HIF3A: variants seen among roughly 807,000 people sequenced by gnomAD.
HIF3A encodes hypoxia-inducible factor 3-alpha.
In HIF3A, 41 loss-of-function variants were observed where a neutral mutation model predicts 67.2. The ratio of observed to expected loss-of-function variants is 0.61; its 90% CI spans 0.48 to 0.79. HIF3A has a LOEUF of 0.79. Among genes scored for constraint, HIF3A ranks in the 30% least tolerant of loss-of-function variants. HIF3A has a pLI of 0.00. For missense variants in HIF3A, 855 were observed against 898.0 expected (o/e 0.95, Z 0.61); for synonymous variants, 356 against 374.8 (o/e 0.95, Z 0.58).
Position 46,341,157 on chromosome 19 carries a change from G to A in HIF3A, c.*1535G>A, listed in dbSNP as rs1471280687. 6.7e-6 allele frequency: 1 copy of A among 150,374 alleles called. No individual in the cohort carries two copies. Among genetic ancestry groups the A allele is most frequent in the East Asian group, 1.9e-4 (1 of 5,166 alleles). 9.3% of individuals were successfully genotyped at this position (150,374 alleles called of 1,614,324 possible). ...CTATTGGTTCCAGTTCTCCTGATCG[G>A]TAATACATTTGGTTCCAAATCCAGA... On this transcript the variant is annotated 3_prime_UTR_variant, in exon 15 of 15. Transcript: ENST00000377670.
chr19:46,336,533 TTGTG>T (rs2147322779), intron 14 of HIF3A, among the ~76,000 whole-genome samples: 1 of 151,794 alleles, frequency 6.6e-6, no homozygotes, highest in East Asian at 2.0e-4. Context: ...ACACTTGACT[TTGTG>T]TGTTTGTGTG....
At position 46,331,267 on chromosome 19, in the gene HIF3A, C is replaced by T. The variant is rs1402312378; in HGVS notation, c.1824C>T (p.Leu608=). The T allele has an allele frequency of 6.2e-7, 1 of 1,612,656 alleles. No individual in the cohort carries two copies. Among genetic ancestry groups the T allele is most frequent in the East Asian group, 2.2e-5 (1 of 44,852 alleles). ...ACGAAAACTTTCTGCTCTTTCCTCT[C>T]AGCCTGGTGTGTTGGGGGATTAATG... ...PEHENFLLFP[L]SLSFLLTGGP... The change falls in exon 13 of 15, where the codon CTC becomes CTT. Residue 608 remains leucine (L), a synonymous_variant. Transcript: ENST00000377670.
At chr19:46,309,015 A>T (rs1284140191) in intron 5 of HIF3A, 136 bp from the exon 6 acceptor site, 8 of 769,218 alleles carry the variant, frequency 1.0e-5, no homozygotes, top group Non-Finnish European at 1.7e-5. Context: ...GGGGATCCTC[A>T]GTCCCTTTGA....
chr19:46,326,665 C>G (rs572949204), intron 11 of HIF3A, among the ~76,000 whole-genome samples: 8 of 152,254 alleles, frequency 5.3e-5, no homozygotes, highest in Admixed American at 5.2e-4. Context: ...AGTACAGTTC[C>G]TCTCAACATT....
At position 46,318,468 on chromosome 19, in the gene HIF3A, G is replaced by A. The variant is rs181804749; in HGVS notation, c.1026-1975G>A. ...AGGAGGCTGAAGCAGGAGGATCACT[G>A]AGCCTGGGAGATTGAGGCTGCAGTG... On this transcript the variant is annotated intron_variant, in intron 8 of 14. Transcript: ENST00000377670. 3.7e-3 allele frequency among the ~76,000 whole-genome samples: 534 copies of A among 144,440 alleles called. 7 individuals carry two copies. Among genetic ancestry groups the A allele is most frequent in the African/African-American group, 0.012 (485 of 39,022 alleles). 94.8% of individuals were successfully genotyped at this position (144,440 alleles called of 152,430 possible).
Position 46,321,897 on chromosome 19 carries a change from G to A in HIF3A, c.1266G>A (p.Leu422=), listed in dbSNP as rs143174879. 1,487 of 1,613,974 alleles carry A rather than the reference G, an allele frequency of 9.2e-4. 3 individuals carry two copies. The highest frequency in any genetic ancestry group is 9.7e-4 in the Non-Finnish European group (1,148 of 1,180,036). Residue 422 remains leucine, a synonymous_variant, in exon 10 of 15, where the codon CTG becomes CTA. Coordinates refer to ENST00000377670, the MANE Select transcript of HIF3A (RefSeq NM_152795.4). The stretch of plus-strand genomic sequence containing the variant: ...TCCGTCGCCTCCTGGGACCCATCCT[G>A]GATGGGGCTTCAGTAGCAGCCACTC... ...PDLRRLLGPI[L]DGASVAATPS...
chr19:46,337,591 C>G (rs1046738835), intron 14 of HIF3A, among the ~76,000 whole-genome samples: 3 of 152,096 alleles, frequency 2.0e-5, no homozygotes, highest in African/African-American at 4.8e-5. Flanking sequence ...GCCAATGTAG[C>G]TGAAGCAGAG....
chr19:46,308,607 C>T (rs1969122017), intron 4 of HIF3A, 56 bp from the exon 5 acceptor site: 6 of 1,065,800 alleles, frequency 5.6e-6, no homozygotes, highest in Admixed American at 2.3e-5. Flanking sequence ...TGCCGGAGGG[C>T]ACTGGGCCTG....
intron 2 of HIF3A, 117 bp downstream of exon 2, chr19:46,304,205 G>T: frequency 1.2e-6 from 1 of 847,062 alleles, no homozygotes; most frequent in Non-Finnish European, 1.7e-6. Flanking sequence ...CCGCCCCCTG[G>T]TGTCGTTTTT....
At position 46,329,373 on chromosome 19, in the gene HIF3A, A is replaced by T; in HGVS notation, c.1607A>T (p.Glu536Val). The T allele has an allele frequency of 6.2e-7, 1 of 1,612,324 alleles. No individual in the cohort carries two copies. The highest frequency in any genetic ancestry group is 8.5e-7 in the Non-Finnish European group (1 of 1,179,408). Residue 536 changes from glutamate to valine, a missense_variant, in exon 12 of 15, where the codon GAG becomes GTG. Physicochemically the swap from Glu to Val is moderately radical, Grantham distance 121. Around this residue, in one of 3 missense-constraint regions of HIF3A, gnomAD observed 199 missense variants for 193.8 expected, o/e 1.03. Transcript: ENST00000377670. ...CATGGCCTGTCACCTCCAGCCCTTG[A>T]GCCCTCCCTGCTACCCCGCTGGGGG... ...SFHGLSPPAL[E>V]PSLLPRWGSD... is the part of the protein sequence containing the mutation.
intron 3 of HIF3A, 125 bp downstream of exon 3, chr19:46,305,515 A>G: frequency 1.0e-6 from 1 of 955,238 alleles, no homozygotes; most frequent in Admixed American, 2.3e-5. Flanking sequence ...TAGGTATGTC[A>G]CTAGACAGGA....
intron 13 of HIF3A, among the ~76,000 whole-genome samples, chr19:46,333,727 A>AT (rs932644006): frequency 8.3e-6 from 1 of 119,910 alleles, no homozygotes; most frequent in African/African-American, 3.2e-5. Context: ...TTGGATATAT[A>AT]TTTTTTTCCT....
At chr19:46,331,378 G>A (rs781097467) in intron 13 of HIF3A, 105 bp downstream of exon 13, 1 of 871,866 alleles carries the variant, frequency 1.1e-6, no homozygotes. Flanking sequence ...CTGGTTGAGG[G>A]TCATACAGAA....
intron 3 of HIF3A, among the ~76,000 whole-genome samples, chr19:46,305,600 C>G (rs1262887865): frequency 2.6e-5 from 4 of 152,026 alleles, no homozygotes; most frequent in Admixed American, 2.0e-4. Context: ...TGTACCTGAC[C>G]CAGCCTGAGT....
chr19:46,338,085 C>T, intron 14 of HIF3A: 1 of 411,442 alleles, frequency 2.4e-6, no homozygotes, highest in Non-Finnish European at 4.8e-6. Context: ...CCAATTGGCG[C>T]TTCTCACTGG....
At position 46,312,881 on chromosome 19, in the gene HIF3A, A is replaced by ATTTTT. The variant is rs1568516507; in HGVS notation, c.1025+228_1025+229insTTTTT. On this transcript the variant is annotated intron_variant, in intron 8 of 14. Coordinates refer to ENST00000377670, the MANE Select transcript of HIF3A (RefSeq NM_152795.4). ...TATGTGTATGGGTGTGTAGACTGTT[A>ATTTTT]ATTTTTTTTTTTTTTTTTTTTTTTT... 3.2e-6 allele frequency: 3 copies of ATTTTT among 944,380 alleles called. No individual in the cohort carries two copies. In the African/African-American group the frequency reaches 7.1e-5, roughly 22 times the overall value. The allele number at this position is 944,380 out of a possible 1,614,324, so 58.5% of individuals were successfully genotyped here.
At position 46,329,409 on chromosome 19, in the gene HIF3A, G is replaced by A. The variant is rs765904001; in HGVS notation, c.1643G>A (p.Arg548Gln). Residue 548 changes from arginine to glutamine, a missense_variant, in exon 12 of 15, where the codon CGG (arginine) becomes CAG (glutamine). Transcript: ENST00000377670. ...SLLPRWGSDP[R>Q]LSCSSPSRGD... Reference sequence around the variant, plus strand: ...CTACCCCGCTGGGGGAGTGACCCCCGGCTGAGCTGCTCCAGCCCTTCCAGA... The same window carrying A: ...CTACCCCGCTGGGGGAGTGACCCCCAGCTGAGCTGCTCCAGCCCTTCCAGA... 76 of 1,603,742 alleles carry A rather than the reference G, an allele frequency of 4.7e-5. No homozygotes were observed. Among genetic ancestry groups the A allele is most frequent in the Middle Eastern group, 1.7e-4 (1 of 6,020 alleles).
At chr19:46,317,317 AG>A (rs1361736043) in intron 8 of HIF3A, among the ~76,000 whole-genome samples, 1 of 152,088 alleles carries the variant, frequency 6.6e-6, no homozygotes, top group Non-Finnish European at 1.5e-5. Flanking sequence ...AGCCTCCCAA[AG>A]TGCTGGGATT....
chr19:46,338,529 C>T (rs1971793235), intron 14 of HIF3A: 1 of 1,138,380 alleles, frequency 8.8e-7, no homozygotes, highest in Non-Finnish European at 1.1e-6. Flanking sequence ...TGAATAAACT[C>T]TCATAAATGA....
Sources: allele counts gnomAD v4.1 joint callset (sites outside exome capture counted in the v4.1 genomes callset), GRCh38; gene constraint gnomAD v4.1.1; regional missense constraint gnomAD v4.1.1; transcripts MANE v1.5; gene names NCBI Gene and HGNC (gene_info 2026-07-23, HGNC 2026-07-21).